The following TSBP1 variants were observed in gnomAD, a reference collection of about 807,000 sequenced individuals.
TSBP1 encodes testis-expressed basic protein 1.
In TSBP1, 56 loss-of-function variants were observed where a neutral mutation model predicts 68.8. That is an observed-to-expected ratio of 0.81 (90% CI 0.66 to 1.02). The LOEUF (loss-of-function observed/expected upper bound fraction) is 1.02. Among genes scored for constraint, TSBP1 ranks in the 50% least tolerant of loss-of-function variants. The pLI, the probability that TSBP1 is intolerant of heterozygous loss-of-function variation, is 0.00. For missense variants in TSBP1, 502 were observed against 641.2 expected, an observed-to-expected ratio of 0.78 and a Z score of 2.34; for synonymous variants, 171 against 208.7, an observed-to-expected ratio of 0.82 and a Z score of 1.56.
At chr6:32,367,843 A>T in intron 4 of TSBP1, 82 bp downstream of exon 4, 1 of 1,021,774 alleles carries the variant, frequency 9.8e-7, no homozygotes, top group Non-Finnish European at 1.5e-6. Context: ...TCAACAAATC[A>T]TGCTCAAATG....
chr6:32,352,544 A>G (rs1365826306), intron 8 of TSBP1, among the ~76,000 whole-genome samples: 2 of 151,940 alleles, frequency 1.3e-5, no homozygotes, highest in Non-Finnish European at 2.9e-5. Context: ...ACACAATATA[A>G]ATTGGAAACA....
At position 32,361,051 on chromosome 6, in the gene TSBP1, C is replaced by T. The variant is rs994166674; in HGVS notation, c.217+5116G>A. ...CTGCTTCCCCCACCCCGCAACAGGC[C>T]CCAGTGTGTGATGTTCCCCACCCTG... On this transcript the variant is annotated intron_variant, in intron 6 of 22. Transcript: ENST00000612031. The surrounding 1 kb of genome is among the most constrained non-coding windows in gnomAD (Gnocchi z 4.3). 1.3e-5 allele frequency among the ~76,000 whole-genome samples: 2 copies of T among 152,012 alleles called. No individual in the cohort carries two copies. The highest frequency in any genetic ancestry group is 4.8e-5 in the African/African-American group (2 of 41,356).
At chr6:32,324,626 G>A in intron 16 of TSBP1, 2 of 1,550,208 alleles carry the variant, frequency 1.3e-6, no homozygotes, top group Non-Finnish European at 1.7e-6. Context: ...GAGTCCTAAA[G>A]GAGAGAATTC....
At position 32,325,191 on chromosome 6, in the gene TSBP1, C is replaced by A; in HGVS notation, c.515-1577G>T. On this transcript the variant is annotated intron_variant, in intron 16 of 22. Coordinates refer to ENST00000612031, the Ensembl canonical transcript of TSBP1. The surrounding 1 kb of genome is among the most constrained non-coding windows in gnomAD (Gnocchi z 4.4). The stretch of plus-strand genomic sequence containing the variant: ...CCCATGGATGCCATGGAAGAAGCAT[C>A]ATTAAAGTCTCTCTTCTCCTGGCCG... The A allele has an allele frequency of 1.7e-6, 1 of 583,592 alleles. No individual in the cohort carries two copies. Among genetic ancestry groups the A allele is most frequent in the Non-Finnish European group, 3.0e-6 (1 of 331,642 alleles). 36.2% of individuals were successfully genotyped at this position (583,592 alleles called of 1,614,324 possible). A position where few individuals can be genotyped will look rare whatever the true frequency, so the allele number is the denominator to read the frequency against.
At chr6:32,369,855 G>T (rs746910994) in intron 2 of TSBP1, 42 bp downstream of exon 2, 2 of 1,230,004 alleles carry the variant, frequency 1.6e-6, no homozygotes, top group Non-Finnish European at 2.4e-6. Context: ...CTCCCTCCGT[G>T]GTTTTCACAG....
rs1272781426 is a variant in TSBP1 at position 32,323,620 on chromosome 6, A to G, written c.515-6T>C. 11 of 1,612,204 alleles carry G rather than the reference A, an allele frequency of 6.8e-6. No homozygotes were observed. The highest frequency in any genetic ancestry group is 9.3e-6 in the Non-Finnish European group (11 of 1,179,474). Reference sequence around the variant, plus strand: ...GGGTGCTGAAGGTGGACCAGCTGAAAAACAGAGAGGTATCTTAGCAACTGT... The same window carrying G: ...GGGTGCTGAAGGTGGACCAGCTGAAGAACAGAGAGGTATCTTAGCAACTGT... On this transcript the variant is annotated splice_polypyrimidine_tract_variant and splice_region_variant and intron_variant, in intron 16 of 22. Transcript: ENST00000612031.
exon 4 of TSBP1, chr6:32,367,949 G>A: frequency 6.2e-7 from 1 of 1,611,082 alleles, no homozygotes; most frequent in Non-Finnish European, 8.5e-7. Context: ...TAGTCCAGAA[G>A]TCTAGCACCT....
chr6:32,323,555 A>G, intron 17 of TSBP1, 36 bp downstream of exon 18: 1 of 1,603,586 alleles, frequency 6.2e-7, no homozygotes, highest in Non-Finnish European at 8.5e-7. Flanking sequence ...AACAAGAACA[A>G]CAACAGAAAA....
chr6:32,344,725 G>A (rs1370425240), intron 9 of TSBP1, among the ~76,000 whole-genome samples: 1 of 152,132 alleles, frequency 6.6e-6, no homozygotes, highest in Non-Finnish European at 1.5e-5. Context: ...CTTATATTTT[G>A]GTGGTGTGGC....
At chr6:32,293,426 C>T in exon 23 of TSBP1, 1 of 1,612,910 alleles carries the variant, frequency 6.2e-7, no homozygotes, top group Non-Finnish European at 8.5e-7. Flanking sequence ...CTTCAACTCA[C>T]TCTTCTCTAC....
chr6:32,299,230 A>C (rs1765031814), intron 22 of TSBP1, among the ~76,000 whole-genome samples: 1 of 152,224 alleles, frequency 6.6e-6, no homozygotes, highest in Non-Finnish European at 1.5e-5. Context: ...AAAATGGGGA[A>C]TAATAATACC....
chr6:32,342,315 C>T (rs1244379932), intron 9 of TSBP1, among the ~76,000 whole-genome samples: 1 of 152,006 alleles, frequency 6.6e-6, no homozygotes, highest in Admixed American at 6.6e-5. Flanking sequence ...AGGAGCATAC[C>T]ACCACGCCCA....
chr6:32,354,626 A>C (rs1249529305), intron 8 of TSBP1, among the ~76,000 whole-genome samples: 1 of 152,138 alleles, frequency 6.6e-6, no homozygotes, highest in Non-Finnish European at 1.5e-5. Flanking sequence ...CTGTCTTTGC[A>C]GCATTATTTG....
chr6:32,367,261 GAGAA>G (rs1295248068), intron 4 of TSBP1, among the ~76,000 whole-genome samples: 2 of 140,380 alleles, frequency 1.4e-5, no homozygotes, highest in South Asian at 2.1e-4. Context: ...GAGAGAGAGA[GAGAA>G]AGAGAGAGAG....
Position 32,333,938 on chromosome 6 carries a change from G to A in TSBP1, c.472+1499C>T. On this transcript the variant is annotated intron_variant, in intron 14 of 22. Coordinates refer to ENST00000612031, the Ensembl canonical transcript of TSBP1. This position sits in a 1 kb window ranked among gnomAD's most constrained non-coding sequence, Gnocchi z 4.2. Reference sequence around the variant, plus strand: ...ATCTGGATACCCTTGGCTATGAGCAGTAAACCAGTTACACATTTAGATATT... The same window carrying A: ...ATCTGGATACCCTTGGCTATGAGCAATAAACCAGTTACACATTTAGATATT... 1 of 239,694 alleles carries A rather than the reference G, an allele frequency of 4.2e-6. No individual in the cohort carries two copies. Among genetic ancestry groups the A allele is most frequent in the South Asian group, 4.0e-5 (1 of 24,956 alleles). 14.8% of individuals were successfully genotyped at this position (239,694 alleles called of 1,614,324 possible). A position where few individuals can be genotyped will look rare whatever the true frequency, so the allele number is the denominator to read the frequency against.
At chr6:32,342,169 C>CTT (rs9281744) in intron 9 of TSBP1, among the ~76,000 whole-genome samples, 19 of 138,864 alleles carry the variant, frequency 1.4e-4, no homozygotes, top group African/African-American at 2.1e-4. Context: ...CTTCTCTGTT[C>CTT]TTTTTTTTTT....
At chr6:32,318,783 T>C (rs767141685) in intron 18 of TSBP1, among the ~76,000 whole-genome samples, 34 of 152,232 alleles carry the variant, frequency 2.2e-4, no homozygotes, top group Non-Finnish European at 4.4e-4. Context: ...GGGAAGTGAT[T>C]GCTAAACAGA....
At position 32,294,134 on chromosome 6, in the gene TSBP1, T is replaced by G. The variant is rs758156701; in HGVS notation, c.638-99A>C. 10 of 1,453,694 alleles carry G rather than the reference T, an allele frequency of 6.9e-6. No homozygotes were observed. In the South Asian group the frequency reaches 1.2e-4, roughly 17 times the overall value. 90.0% of individuals were successfully genotyped at this position (1,453,694 alleles called of 1,614,324 possible). Reference sequence around the variant, plus strand: ...ACTGGTTCCTTTTTTGTCTTAAAACTGACAAACTAAAATTTTTCTGAATCT... The same window carrying G: ...ACTGGTTCCTTTTTTGTCTTAAAACGGACAAACTAAAATTTTTCTGAATCT... On this transcript the variant is annotated intron_variant, in intron 22 of 22. Coordinates refer to ENST00000612031, the Ensembl canonical transcript of TSBP1.
intron 18 of TSBP1, among the ~76,000 whole-genome samples, chr6:32,319,485 C>T (rs1767359900): frequency 6.6e-6 from 1 of 152,180 alleles, no homozygotes; most frequent in South Asian, 2.1e-4. Context: ...TCAGTTGCCT[C>T]TCATGACACC....
Sources: gnomAD v4.1 joint callset for allele counts (sites outside exome capture counted in the v4.1 genomes callset) on GRCh38, gnomAD v4.1.1 for gene constraint, Gnocchi (gnomAD v3.1) non-coding constraint, MANE v1.5 for transcripts, NCBI Gene and HGNC (gene_info 2026-07-23, HGNC 2026-07-21) for gene names.